KCNQ3: variants seen among roughly 807,000 people sequenced by gnomAD.
KCNQ3 encodes potassium voltage-gated channel subfamily KQT member 3.
KCNQ3 carries 30 observed loss-of-function variants against 92.5 expected under a neutral mutation model. The ratio of observed to expected loss-of-function variants is 0.32; its 90% CI spans 0.24 to 0.44. The LOEUF (loss-of-function observed/expected upper bound fraction) is 0.44. KCNQ3 is among the 20% of genes least tolerant of loss of function. The pLI is 1.00. For missense variants in KCNQ3, 913 were observed against 1,140.3 expected (o/e 0.80, Z 2.87); for synonymous variants, 450 against 468.8 (o/e 0.96, Z 0.52).
rs1824634119 is a variant in KCNQ3, at chr8:132,125,397, A to T, written c.*3865T>A. 1 of 152,176 alleles carries T rather than the reference A, an allele frequency of 6.6e-6. No individual in the cohort carries two copies. Among genetic ancestry groups the T allele is most frequent in the Non-Finnish European group, 1.5e-5 (1 of 68,048 alleles). The allele number at this position is 152,176 out of a possible 1,614,324, so 9.4% of individuals were successfully genotyped here. A position where few individuals can be genotyped will look rare whatever the true frequency, so the allele number is the denominator to read the frequency against. ...ATCAGGTATTTTATTTTCCTGGTAG[A>T]CATAGTTTGAAGGGACCTCTGATGT... On this transcript the variant is annotated 3_prime_UTR_variant, in exon 15 of 15. Coordinates refer to ENST00000388996, the MANE Select transcript of KCNQ3 (RefSeq NM_004519.4).
chr8:132,397,256 TC>T (rs562697018), intron 1 of KCNQ3, among the ~76,000 whole-genome samples: 69 of 152,054 alleles, frequency 4.5e-4, no homozygotes, highest in African/African-American at 1.6e-3. Flanking sequence ...ATGACCTACA[TC>T]CCCATCTGAC....
At chr8:132,153,865 C>A (rs1201857452) in intron 9 of KCNQ3, among the ~76,000 whole-genome samples, 1 of 152,074 alleles carries the variant, frequency 6.6e-6, no homozygotes, top group Non-Finnish European at 1.5e-5. Flanking sequence ...CCCTTATGTA[C>A]CCTAGGTATT....
intron 1 of KCNQ3, among the ~76,000 whole-genome samples, chr8:132,252,568 G>A (rs1039564226): frequency 1.3e-5 from 2 of 152,158 alleles, no homozygotes; most frequent in African/African-American, 4.8e-5. Flanking sequence ...CACGGAAGGG[G>A]ACCCAAGCCA....
In KCNQ3 at chr8:132,177,319, T is replaced by A. The variant is rs562874848; in HGVS notation, c.778-1711A>T. Among the ~76,000 whole-genome samples, 6 of 152,286 alleles carry A rather than the reference T, an allele frequency of 3.9e-5. No individual in the cohort carries two copies. The South Asian group carries it at 1.2e-3, about 32-fold the overall frequency. ...CCAAATAATTCTGACTTTATACAAT[T>A]TTTGCTAGCAGCTCTGTGGCAGAAC... On this transcript the variant is annotated intron_variant, in intron 4 of 14. Coordinates refer to ENST00000388996, the MANE Select transcript of KCNQ3 (RefSeq NM_004519.4).
chr8:132,209,002 A>C (rs1426923381), intron 1 of KCNQ3, among the ~76,000 whole-genome samples: 3 of 152,146 alleles, frequency 2.0e-5, no homozygotes, highest in Non-Finnish European at 4.4e-5. Context: ...GAGGCAGACA[A>C]GCTAGTATGG....
intron 1 of KCNQ3, among the ~76,000 whole-genome samples, chr8:132,422,667 G>A (rs1821005313): frequency 6.6e-6 from 1 of 152,174 alleles, no homozygotes; most frequent in Non-Finnish European, 1.5e-5. Context: ...TCCGGCAGCT[G>A]TATCTCAGGG....
intron 1 of KCNQ3, among the ~76,000 whole-genome samples, chr8:132,420,509 T>C (rs543449748): frequency 2.6e-5 from 4 of 152,264 alleles, no homozygotes; most frequent in East Asian, 3.9e-4. Context: ...CAGGACTTGA[T>C]GTCTCCTCGG....
intron 4 of KCNQ3, among the ~76,000 whole-genome samples, chr8:132,176,585 G>A (rs1826562515): frequency 1.3e-5 from 2 of 152,122 alleles, no homozygotes; most frequent in Non-Finnish European, 2.9e-5. Context: ...CAGTCAGCTG[G>A]CCCTTCTGGG....
chr8:132,141,320 C>T lies in KCNQ3; in HGVS notation c.1274G>A (p.Gly425Asp). 2.5e-6 allele frequency: 4 copies of T among 1,614,096 alleles called. No individual in the cohort carries two copies. Among genetic ancestry groups the T allele is most frequent in the Non-Finnish European group, 3.4e-6 (4 of 1,180,000 alleles). ...QLEAASSQKL[G>D]LLDRVRLSNP... is the part of the protein sequence containing the mutation. ...AGAAAGGCGAACCCGATCCAAGAGACCCAGCTTTTGGCTACAAAATAAGCA... is the reference window on the plus strand; with the variant it reads ...AGAAAGGCGAACCCGATCCAAGAGATCCAGCTTTTGGCTACAAAATAAGCA... Residue 425 changes from glycine to aspartate, a missense_variant, in exon 10 of 15, where the codon GGT becomes GAT. Gly to Asp is a moderately conservative substitution (Grantham distance 94). This residue lies in a region of KCNQ3 where 182 missense variants were observed against 234.5 expected (regional missense o/e 0.78). Transcript: ENST00000388996.
At chr8:132,390,077 A>G (rs1237336834) in intron 1 of KCNQ3, among the ~76,000 whole-genome samples, 2 of 152,246 alleles carry the variant, frequency 1.3e-5, no homozygotes, top group African/African-American at 4.8e-5. Flanking sequence ...TCTACACAGC[A>G]ATGAAAAGGA....
intron 1 of KCNQ3, among the ~76,000 whole-genome samples, chr8:132,306,507 G>C (rs7010949): frequency 6.6e-6 from 1 of 152,040 alleles, no homozygotes; most frequent in East Asian, 1.9e-4. Context: ...GGTGCCACCC[G>C]GAAACCTCAA....
At chr8:132,375,992 G>A (rs1819596855) in intron 1 of KCNQ3, among the ~76,000 whole-genome samples, 1 of 152,148 alleles carries the variant, frequency 6.6e-6, no homozygotes, top group Admixed American at 6.5e-5. Context: ...GCAGGGGGGT[G>A]TCTTATTCAC....
chr8:132,395,157 T>C (rs1820160780), intron 1 of KCNQ3, among the ~76,000 whole-genome samples: 3 of 152,278 alleles, frequency 2.0e-5, no homozygotes, highest in Non-Finnish European at 4.4e-5. Flanking sequence ...ATAATAATTG[T>C]ATGTATTCAT....
intron 1 of KCNQ3, among the ~76,000 whole-genome samples, chr8:132,396,570 C>T (rs1820199373): frequency 6.6e-6 from 1 of 152,004 alleles, no homozygotes; most frequent in Admixed American, 6.5e-5. Flanking sequence ...ATCTAGATAC[C>T]AAAACTTTGG....
intron 1 of KCNQ3, among the ~76,000 whole-genome samples, chr8:132,391,596 C>T (rs1332099164): frequency 1.3e-5 from 2 of 152,168 alleles, no homozygotes; most frequent in East Asian, 1.9e-4. Flanking sequence ...CAAGGATACA[C>T]TTGGGTACAC....
At chr8:132,387,396 A>G (rs1333321299) in intron 1 of KCNQ3, among the ~76,000 whole-genome samples, 2 of 152,216 alleles carry the variant, frequency 1.3e-5, no homozygotes, top group Admixed American at 6.5e-5. Context: ...ATAGAAAGAT[A>G]CTTTCTTAAT....
Position 132,189,888 on chromosome 8 carries a change from CA to C in KCNQ3, c.387-3708del, listed in dbSNP as rs776683880. The stretch of plus-strand genomic sequence containing the variant: ...ATTGGTGTTGAGGGCTAAAAATGAC[CA>C]AAAAAAAAAAAAAAAAAAAGAGAGA... On this transcript the variant is annotated intron_variant, in intron 1 of 14. Transcript: ENST00000388996. Among the ~76,000 whole-genome samples the C allele has an allele frequency of 5.3e-3, 338 of 64,074 alleles. 2 individuals are homozygous for C. The highest frequency in any genetic ancestry group is 9.6e-3 in the Admixed American group (51 of 5,332). The allele number at this position is 64,074 out of a possible 152,430, so 42.0% of individuals were successfully genotyped here.
At chr8:132,212,332 C>A (rs1813887798) in intron 1 of KCNQ3, among the ~76,000 whole-genome samples, 1 of 152,068 alleles carries the variant, frequency 6.6e-6, no homozygotes, top group Admixed American at 6.6e-5. Context: ...GGAGCGGGCA[C>A]CTGTCTTTCC....
rs76113791 is a variant in KCNQ3, at chr8:132,240,631, G to A, written c.387-54450C>T. Among the ~76,000 whole-genome samples, 1,140 of 152,298 alleles carry A rather than the reference G, an allele frequency of 7.5e-3. 12 individuals are homozygous for A. Among genetic ancestry groups the A allele is most frequent in the African/African-American group, 0.025 (1,023 of 41,566 alleles). The stretch of plus-strand genomic sequence containing the variant: ...GCCAGAGACATCACAAGAAGCCAAC[G>A]GGGCTTTGATAAGTCAGAGTGAGCC... On this transcript the variant is annotated intron_variant, in intron 1 of 14. Transcript: ENST00000388996.
Sources: gnomAD v4.1 joint callset for allele counts (sites outside exome capture counted in the v4.1 genomes callset) on GRCh38, gnomAD v4.1.1 for gene constraint, gnomAD v4.1.1 regional missense constraint, MANE v1.5 for transcripts, NCBI Gene and HGNC (gene_info 2026-07-23, HGNC 2026-07-21) for gene names.